TMEM245: variants seen among roughly 807,000 people sequenced by gnomAD.
The protein encoded by TMEM245 is protein CG-2.
In TMEM245, 69 loss-of-function variants were observed where a neutral mutation model predicts 101.2. The observed-to-expected ratio is 0.68, with a 90% CI of 0.56 to 0.83. The LOEUF is 0.83. Ranked by LOEUF, TMEM245 falls within the 40% of genes least tolerant of loss-of-function variation. The pLI, the probability that TMEM245 is intolerant of heterozygous loss-of-function variation, is 0.00. For missense variants in TMEM245, 1,075 were observed against 1,092.8 expected (o/e 0.98, Z 0.23); for synonymous variants, 537 against 449.8 (o/e 1.19, Z -2.45).
In TMEM245 at chr9:109,050,279, C is replaced by T. The variant is rs760590152; in HGVS notation, c.2123+4G>A. The T allele has an allele frequency of 2.2e-5, 36 of 1,613,796 alleles. 1 individual carries two copies. In the South Asian group the frequency reaches 3.8e-4, roughly 17 times the overall value. On this transcript the variant is annotated splice_donor_region_variant and intron_variant, in intron 14 of 17. Transcript: ENST00000374586. Reference sequence around the variant, plus strand: ...AATAAGAATAGCATAAACCTTATCCCTACCTGATAGCTTCTTCCACAGACT... The same window carrying T: ...AATAAGAATAGCATAAACCTTATCCTTACCTGATAGCTTCTTCCACAGACT...
chr9:109,119,489 G>A lies in TMEM245; in HGVS notation c.425C>T (p.Ala142Val), dbSNP rs562675630. The A allele has an allele frequency of 1.3e-6, 2 of 1,492,744 alleles. No individual in the cohort carries two copies. The highest frequency in any genetic ancestry group is 1.8e-6 in the Non-Finnish European group (2 of 1,130,686). The allele number at this position is 1,492,744 out of a possible 1,614,324, so 92.5% of individuals were successfully genotyped here. A position where few individuals can be genotyped will look rare whatever the true frequency, so the allele number is the denominator to read the frequency against. The stretch of plus-strand genomic sequence containing the variant: ...CAGGAGCAGGCGGCGGCGGCGCAGC[G>A]CCTGCTCGCCCAGGGCCTCGACGCC... ...DYGVEALGEQALRRRRLLLLL... is the reference protein window; with the variant it reads ...DYGVEALGEQVLRRRRLLLLL... Residue 142 changes from alanine (A) to valine (V), a missense_variant, in exon 1 of 18, where the codon GCG becomes GTG. Ala to Val is a moderately conservative substitution (Grantham distance 64). Around this residue, in one of 2 missense-constraint regions of TMEM245, gnomAD observed 808 missense variants for 741.5 expected, o/e 1.09. Coordinates refer to ENST00000374586, the MANE Select transcript of TMEM245 (RefSeq NM_032012.4).
chr9:109,095,881 C>T (rs911283070), intron 3 of TMEM245, among the ~76,000 whole-genome samples: 1 of 152,142 alleles, frequency 6.6e-6, no homozygotes, highest in African/African-American at 2.4e-5. Context: ...ACCATTCTTG[C>T]TTGTCTGGAG....
intron 17 of TMEM245, among the ~76,000 whole-genome samples, chr9:109,022,172 T>G (rs1827646111): frequency 6.6e-6 from 1 of 152,096 alleles, no homozygotes; most frequent in South Asian, 2.1e-4. Context: ...AGAAAAGAAA[T>G]TACCTTTAAG....
At chr9:109,115,310 C>G (rs1588085642) in intron 1 of TMEM245, among the ~76,000 whole-genome samples, 1 of 152,052 alleles carries the variant, frequency 6.6e-6, no homozygotes, top group East Asian at 1.9e-4. Flanking sequence ...CACCATTGCA[C>G]TCCAGCCTGG....
At chr9:109,078,240 A>G (rs775172114) in intron 8 of TMEM245, among the ~76,000 whole-genome samples, 5 of 152,136 alleles carry the variant, frequency 3.3e-5, no homozygotes, top group Admixed American at 6.6e-5. Context: ...GCTCATCTAT[A>G]TATGTTATAA....
At chr9:109,030,669 T>C (rs1827918475) in intron 17 of TMEM245, among the ~76,000 whole-genome samples, 1 of 152,276 alleles carries the variant, frequency 6.6e-6, no homozygotes, top group East Asian at 1.9e-4. Context: ...CAGAAAAGGA[T>C]ATCATAGTGT....
At chr9:109,038,167 G>T in intron 14 of TMEM245, 50 bp from the exon 15 acceptor site, 2 of 1,448,512 alleles carry the variant, frequency 1.4e-6, no homozygotes, top group Non-Finnish European at 9.4e-7. Flanking sequence ...GTGTCATATC[G>T]TGATTCAGAA....
chr9:109,093,402 T>C, intron 4 of TMEM245, 73 bp downstream of exon 4: 1 of 1,217,866 alleles, frequency 8.2e-7, no homozygotes, highest in Non-Finnish European at 1.2e-6. Flanking sequence ...GTGATGCTGG[T>C]GTCCTGAATT....
rs1426683523 is a variant in TMEM245 at position 109,019,608 on chromosome 9, G to A, written c.*852C>T. ...AATTCTGCTGAAAACTAACTTATTGGCAGAGTTCCAAATAATGAAACGGAT... is the reference window on the plus strand; with the variant it reads ...AATTCTGCTGAAAACTAACTTATTGACAGAGTTCCAAATAATGAAACGGAT... On this transcript the variant is annotated 3_prime_UTR_variant, in exon 18 of 18. Transcript: ENST00000374586. The A allele has an allele frequency of 6.6e-6, 1 of 152,270 alleles. No homozygotes were observed. The highest frequency in any genetic ancestry group is 1.5e-5 in the Non-Finnish European group (1 of 68,038). 9.4% of individuals were successfully genotyped at this position (152,270 alleles called of 1,614,324 possible). A position where few individuals can be genotyped will look rare whatever the true frequency, so the allele number is the denominator to read the frequency against.
chr9:109,020,383 G>T lies in TMEM245; in HGVS notation c.*77C>A. The T allele has an allele frequency of 1.4e-6, 2 of 1,419,420 alleles. No individual in the cohort carries two copies. The highest frequency in any genetic ancestry group is 2.3e-5 in the South Asian group (2 of 87,116). The allele number at this position is 1,419,420 out of a possible 1,614,324, so 87.9% of individuals were successfully genotyped here. ...TTTTGCTTGCTAGGCACAGCTGGAA[G>T]GGCAGAGGGCCACAGCTGAGCTGAA... On this transcript the variant is annotated 3_prime_UTR_variant, in exon 18 of 18. Coordinates refer to ENST00000374586, the MANE Select transcript of TMEM245 (RefSeq NM_032012.4).
intron 15 of TMEM245, among the ~76,000 whole-genome samples, chr9:109,037,249 G>A (rs1334183195): frequency 2.6e-5 from 4 of 152,216 alleles, no homozygotes; most frequent in Non-Finnish European, 5.9e-5. Flanking sequence ...GCCCTGGGAT[G>A]TAATCCCTCA....
At chr9:109,037,498 G>A (rs1255995837) in intron 15 of TMEM245, among the ~76,000 whole-genome samples, 1 of 152,162 alleles carries the variant, frequency 6.6e-6, no homozygotes, top group Non-Finnish European at 1.5e-5. Context: ...ATGGCGGGTG[G>A]ATTTCACCCC....
chr9:109,071,243 T>A (rs1246521544), intron 9 of TMEM245, among the ~76,000 whole-genome samples: 7 of 152,108 alleles, frequency 4.6e-5, no homozygotes, highest in Non-Finnish European at 8.8e-5. Flanking sequence ...CCATTTTTTT[T>A]AATGCTGTAT....
intron 3 of TMEM245, among the ~76,000 whole-genome samples, chr9:109,101,748 TAA>T (rs1227594494): frequency 1.3e-5 from 2 of 152,202 alleles, no homozygotes; most frequent in Non-Finnish European, 2.9e-5. Context: ...GTAATACAAA[TAA>T]CAGCAATCTG....
Position 109,020,138 on chromosome 9 carries a change from A to G in TMEM245, c.*322T>C, listed in dbSNP as rs1224008516. On this transcript the variant is annotated 3_prime_UTR_variant, in exon 18 of 18. Coordinates refer to ENST00000374586, the MANE Select transcript of TMEM245 (RefSeq NM_032012.4). Reference sequence around the variant, plus strand: ...GTTCTTAAAATAACTTTATAAATATATAATATAGTAACATAGATAACCAAA... The same window carrying G: ...GTTCTTAAAATAACTTTATAAATATGTAATATAGTAACATAGATAACCAAA... 2 of 211,206 alleles carry G rather than the reference A, an allele frequency of 9.5e-6. No homozygotes were observed. Among genetic ancestry groups the G allele is most frequent in the East Asian group, 1.2e-4 (1 of 8,476 alleles). The allele number at this position is 211,206 out of a possible 1,614,324, so 13.1% of individuals were successfully genotyped here. A position where few individuals can be genotyped will look rare whatever the true frequency, so the allele number is the denominator to read the frequency against.
chr9:109,026,424 G>A (rs1361752122), intron 17 of TMEM245, among the ~76,000 whole-genome samples: 1 of 151,924 alleles, frequency 6.6e-6, no homozygotes, highest in Admixed American at 6.6e-5. Flanking sequence ...TTAGGAGTTC[G>A]TTAAGAAGGA....
intron 8 of TMEM245, among the ~76,000 whole-genome samples, chr9:109,077,703 C>T (rs1479907666): frequency 6.6e-6 from 1 of 152,178 alleles, no homozygotes; most frequent in African/African-American, 2.4e-5. Context: ...TTCTTTTTGA[C>T]AATCTATTTT....
rs1383391690 is a variant in TMEM245 at position 109,020,127 on chromosome 9, T to C, written c.*333A>G. 1 of 173,756 alleles carries C rather than the reference T, an allele frequency of 5.8e-6. No individual in the cohort carries two copies. The highest frequency in any genetic ancestry group is 1.2e-5 in the Non-Finnish European group (1 of 82,518). The allele number at this position is 173,756 out of a possible 1,614,324, so 10.8% of individuals were successfully genotyped here. A position where few individuals can be genotyped will look rare whatever the true frequency, so the allele number is the denominator to read the frequency against. ...GGTAGTTTAGAGTTCTTAAAATAACTTTATAAATATATAATATAGTAACAT... is the reference window on the plus strand; with the variant it reads ...GGTAGTTTAGAGTTCTTAAAATAACCTTATAAATATATAATATAGTAACAT... On this transcript the variant is annotated 3_prime_UTR_variant, in exon 18 of 18. Coordinates refer to ENST00000374586, the MANE Select transcript of TMEM245 (RefSeq NM_032012.4).
intron 1 of TMEM245, among the ~76,000 whole-genome samples, chr9:109,110,310 C>T (rs975849766): frequency 1.3e-5 from 2 of 152,066 alleles, no homozygotes; most frequent in Non-Finnish European, 2.9e-5. Context: ...ATCCTCATAA[C>T]CCCACAAAAT....
Sources: gnomAD v4.1 joint callset for allele counts (sites outside exome capture counted in the v4.1 genomes callset) on GRCh38, gnomAD v4.1.1 for gene constraint, gnomAD v4.1.1 regional missense constraint, MANE v1.5 for transcripts, NCBI Gene and HGNC (gene_info 2026-07-23, HGNC 2026-07-21) for gene names.